ATXN2: variants seen among roughly 807,000 people sequenced by gnomAD.
ATXN2 encodes ataxin 2.
In ATXN2, 37 loss-of-function variants were observed where a neutral mutation model predicts 138.6. That is an observed-to-expected ratio of 0.27 (90% CI 0.21 to 0.35). The LOEUF (loss-of-function observed/expected upper bound fraction) is 0.35, where lower values mean the gene tolerates loss of function less well. ATXN2 is among the 10% of genes least tolerant of loss of function. ATXN2 has a pLI of 1.00. For missense variants in ATXN2, 1,216 were observed against 1,480.3 expected, an observed-to-expected ratio of 0.82 and a Z score of 2.93; for synonymous variants, 549 against 543.7, an observed-to-expected ratio of 1.01 and a Z score of -0.13.
At chr12:111,462,443 T>C (rs576121793) in intron 21 of ATXN2, among the ~76,000 whole-genome samples, 11 of 152,342 alleles carry the variant, frequency 7.2e-5, no homozygotes, top group East Asian at 1.9e-4. Flanking sequence ...ATCACCAGCA[T>C]TGCAAAACTT....
intron 1 of ATXN2, among the ~76,000 whole-genome samples, chr12:111,581,089 T>C (rs1055044317): frequency 7.4e-5 from 11 of 148,432 alleles, no homozygotes; most frequent in Non-Finnish European, 1.5e-4. Flanking sequence ...GGAGCCAAGA[T>C]TGCCCCACTG....
At chr12:111,457,123 G>T in intron 22 of ATXN2, 91 bp downstream of exon 22, 1 of 1,450,698 alleles carries the variant, frequency 6.9e-7, no homozygotes. Context: ...CATGCCATGT[G>T]TTCTGACGAT....
intron 5 of ATXN2, among the ~76,000 whole-genome samples, chr12:111,549,790 G>A (rs914085360): frequency 2.0e-5 from 3 of 152,064 alleles, no homozygotes; most frequent in Admixed American, 6.6e-5. Context: ...CTGCCCAGGC[G>A]TGGTGGCTCA....
chr12:111,534,894 G>A (rs1387884810), intron 5 of ATXN2, among the ~76,000 whole-genome samples: 2 of 152,178 alleles, frequency 1.3e-5, no homozygotes, highest in South Asian at 4.1e-4. Context: ...CAGCACTTGG[G>A]GAGGCTGAGA....
At chr12:111,553,572 CAAAAAAAAAAA>C (rs757837884) in intron 3 of ATXN2, among the ~76,000 whole-genome samples, 27 of 48,928 alleles carry the variant, frequency 5.5e-4, no homozygotes, top group South Asian at 2.5e-3. Flanking sequence ...TCTTTTTTCT[CAAAAAAAAAAA>C]AAAAAAAAAA....
chr12:111,464,335 TTGTGTGTGTGTGTGTG>T lies in ATXN2; in HGVS notation c.2896+311_2896+326del, dbSNP rs375641693. 6.6e-5 allele frequency among the ~76,000 whole-genome samples: 7 copies of T among 105,838 alleles called. No individual in the cohort carries two copies. The South Asian group carries it at 1.1e-3, about 16-fold the overall frequency. The allele number at this position is 105,838 out of a possible 152,430, so 69.4% of individuals were successfully genotyped here. ...AAGCTTGTGGCTTGGGTGTGTGTGT[TTGTGTGTGTGTGTGTG>T]TGTGTGTGTGTGTGTGTGTATAAAG... On this transcript the variant is annotated intron_variant, in intron 21 of 24. Coordinates refer to ENST00000673436, the MANE Select transcript of ATXN2 (RefSeq NM_001372574.1).
intron 14 of ATXN2, among the ~76,000 whole-genome samples, chr12:111,496,073 G>C (rs1444134985): frequency 6.6e-6 from 1 of 152,052 alleles, no homozygotes; most frequent in African/African-American, 2.4e-5. Flanking sequence ...AGGATTGCTT[G>C]AGCCAGGAAG....
At chr12:111,462,406 T>A (rs1341771320) in intron 21 of ATXN2, among the ~76,000 whole-genome samples, 1 of 152,246 alleles carries the variant, frequency 6.6e-6, no homozygotes, top group Non-Finnish European at 1.5e-5. Flanking sequence ...TTTGTCATTT[T>A]GACTTTGGAT....
rs183645642 is a variant in ATXN2 at position 111,573,221 on chromosome 12, C to T, written c.252-17302G>A. ...ATTTATTTATTTTTTGAGACGGAGT[C>T]TTGCTTTGTTGCCTACGCTGGAGTG... On this transcript the variant is annotated intron_variant, in intron 1 of 24. Transcript: ENST00000673436. 2.4e-4 allele frequency among the ~76,000 whole-genome samples: 36 copies of T among 151,952 alleles called. No homozygotes were observed. The East Asian group carries it at 5.2e-3, about 22-fold the overall frequency.
chr12:111,585,771 A>G (rs1223858645), intron 1 of ATXN2, among the ~76,000 whole-genome samples: 1 of 136,598 alleles, frequency 7.3e-6, no homozygotes, highest in Non-Finnish European at 1.5e-5. Flanking sequence ...ATTGCACTCC[A>G]GCCTGGGTGA....
chr12:111,558,885 T>C (rs916606258), intron 1 of ATXN2, among the ~76,000 whole-genome samples: 4 of 151,660 alleles, frequency 2.6e-5, no homozygotes, highest in African/African-American at 7.3e-5. Flanking sequence ...CTGATAACTA[T>C]TAAAGCTGGG....
At chr12:111,506,405 C>A (rs1879113216) in intron 14 of ATXN2, among the ~76,000 whole-genome samples, 1 of 152,108 alleles carries the variant, frequency 6.6e-6, no homozygotes, top group Non-Finnish European at 1.5e-5. Context: ...GATTTATACA[C>A]TTTAAACGGT....
intron 20 of ATXN2, among the ~76,000 whole-genome samples, chr12:111,467,651 G>A (rs936421957): frequency 6.6e-6 from 1 of 152,150 alleles, no homozygotes; most frequent in African/African-American, 2.4e-5. Context: ...CGGCTCTAAT[G>A]ACTAGTTCAT....
Position 111,510,404 on chromosome 12 carries a change from A to G in ATXN2, c.1737T>C (p.Ala579=). The change falls in exon 12 of 25, where the codon GCT becomes GCC. Residue 579 remains alanine, a synonymous_variant. Coordinates refer to ENST00000673436, the MANE Select transcript of ATXN2 (RefSeq NM_001372574.1). ...ACATACCCTCACTAGAAGGGGTAAC[A>G]GCTCTGTTCGATGCAGGACTAGCAG... is the stretch of plus-strand genomic sequence containing the variant. The part of the protein sequence containing the change: ...PTPASPASNR[A]VTPSSEAKDS... The G allele has an allele frequency of 6.2e-7, 1 of 1,614,164 alleles. No individual in the cohort carries two copies. The highest frequency in any genetic ancestry group is 8.5e-7 in the Non-Finnish European group (1 of 1,180,018).
chr12:111,596,245 C>G (rs1414114844), intron 1 of ATXN2, among the ~76,000 whole-genome samples: 1 of 124,322 alleles, frequency 8.0e-6, no homozygotes, highest in African/African-American at 3.1e-5. Flanking sequence ...CACACACACA[C>G]AAAATTAGAT....
chr12:111,509,677 C>T, intron 13 of ATXN2, 58 bp from the exon 14 acceptor site: 1 of 1,049,724 alleles, frequency 9.5e-7, no homozygotes, highest in Non-Finnish European at 1.4e-6. Context: ...ACATCACATT[C>T]TTTTTAGTAT....
intron 1 of ATXN2, among the ~76,000 whole-genome samples, chr12:111,565,726 T>A (rs1436708568): frequency 2.0e-5 from 3 of 152,210 alleles, no homozygotes; most frequent in African/African-American, 7.2e-5. Context: ...CCAGGCATAG[T>A]GGCTCACACC....
At chr12:111,484,989 A>C in intron 18 of ATXN2, 1 of 290,300 alleles carries the variant, frequency 3.4e-6, no homozygotes, top group South Asian at 1.0e-4. Context: ...TGGCCTCCCA[A>C]AGTGCTAAAA....
chr12:111,488,514 T>A lies in ATXN2; in HGVS notation c.2202A>T (p.Gln734His). Residue 734 changes from glutamine to histidine, a missense_variant, in exon 15 of 25, where the codon CAA (glutamine) becomes CAT (histidine). Physicochemically the swap from Gln to His is conservative, Grantham distance 24 (BLOSUM62 0). This residue lies in a region of ATXN2 where 490 missense variants were observed against 653.5 expected (regional missense o/e 0.75). Transcript: ENST00000673436. The stretch of plus-strand genomic sequence containing the variant: ...TCTTCTCTTCCTTATCGTCTTTCTC[T>A]TGTTTACATGCTGGGCTGGAAGTCT... Reference protein sequence around the residue: ...GVQTSSPACKQEKDDKEEKKD... With the variant: ...GVQTSSPACKHEKDDKEEKKD... The A allele has an allele frequency of 1.9e-6, 3 of 1,614,034 alleles. No homozygotes were observed. The highest frequency in any genetic ancestry group is 2.5e-6 in the Non-Finnish European group (3 of 1,179,934).
Sources: allele counts gnomAD v4.1 joint callset (sites outside exome capture counted in the v4.1 genomes callset), GRCh38; gene constraint gnomAD v4.1.1; regional missense constraint gnomAD v4.1.1; transcripts MANE v1.5; gene names NCBI Gene and HGNC (gene_info 2026-07-23, HGNC 2026-07-21).